The following ATP2A3 variants were observed in gnomAD, a reference collection of about 807,000 sequenced individuals.
The protein encoded by ATP2A3 is ATPase sarcoplasmic/endoplasmic reticulum Ca2+ transporting 3, also known as sarcoplasmic/endoplasmic reticulum calcium ATPase 3.
ATP2A3 carries 61 observed loss-of-function variants against 106.8 expected under a neutral mutation model. The observed-to-expected ratio is 0.57, with a 90% CI of 0.46 to 0.71. The LOEUF is 0.71. Among genes scored for constraint, ATP2A3 ranks in the 30% least tolerant of loss-of-function variants. The probability of loss-of-function intolerance (pLI) is 0.00; values close to 1 mark genes in which losing one functional copy is unlikely to be tolerated. For missense variants in ATP2A3, 1,201 were observed against 1,423.5 expected, an observed-to-expected ratio of 0.84 and a Z score of 2.52; for synonymous variants, 611 against 609.3, an observed-to-expected ratio of 1.00 and a Z score of -0.04.
Position 3,936,961 on chromosome 17 carries a change from G to A in ATP2A3, c.2321+455C>T. ...CGAGTGTGTGCACAGTCACACGCCG[G>A]CACAAATCCTTCTGCTTGTACTCAC... is the stretch of plus-strand genomic sequence containing the variant. On this transcript the variant is annotated intron_variant, in intron 15 of 20. Coordinates refer to ENST00000397041, the MANE Select transcript of ATP2A3 (RefSeq NM_005173.4). The surrounding 1 kb of genome is among the most constrained non-coding windows in gnomAD (Gnocchi z 5.4). The A allele has an allele frequency of 3.1e-6, 1 of 322,740 alleles. No homozygotes were observed. The highest frequency in any genetic ancestry group is 6.0e-6 in the Non-Finnish European group (1 of 165,644). The allele number at this position is 322,740 out of a possible 1,614,324, so 20.0% of individuals were successfully genotyped here.
At position 3,936,622 on chromosome 17, in the gene ATP2A3, G is replaced by GT. The variant is rs2053458286; in HGVS notation, c.2322-154dup. 1.2e-6 allele frequency: 1 copy of GT among 812,818 alleles called. No individual in the cohort carries two copies. Among genetic ancestry groups the GT allele is most frequent in the African/African-American group, 1.7e-5 (1 of 59,216 alleles). The allele number at this position is 812,818 out of a possible 1,614,324, so 50.4% of individuals were successfully genotyped here. Reference sequence around the variant, plus strand: ...CCGCCAGCTGTGATGTGAAGGGTGTGTGTACACAGCTCTGCCTCGGGCCTG... The same window carrying GT: ...CCGCCAGCTGTGATGTGAAGGGTGTGTTGTACACAGCTCTGCCTCGGGCCTG... On this transcript the variant is annotated intron_variant, in intron 15 of 20. Transcript: ENST00000397041. The surrounding 1 kb of genome is among the most constrained non-coding windows in gnomAD (Gnocchi z 5.4).
In ATP2A3 at chr17:3,955,512, A is replaced by T. The variant is rs1375533602; in HGVS notation, c.119-1802T>A. On this transcript the variant is annotated intron_variant, in intron 1 of 20. Coordinates refer to ENST00000397041, the MANE Select transcript of ATP2A3 (RefSeq NM_005173.4). This position sits in a 1 kb window ranked among gnomAD's most constrained non-coding sequence, Gnocchi z 4.2. ...TCCTGCGTCGAGATTAAAATCAAAC[A>T]GACTTTTTCCTTCTGATCTATTTAG... is the stretch of plus-strand genomic sequence containing the variant. Among the ~76,000 whole-genome samples the T allele has an allele frequency of 2.0e-5, 3 of 152,208 alleles. No homozygotes were observed. The highest frequency in any genetic ancestry group is 4.4e-5 in the Non-Finnish European group (3 of 68,040).
At position 3,942,599 on chromosome 17, in the gene ATP2A3, C is replaced by T; in HGVS notation, c.1545+7G>A. ...CAGGGGCCCAGGCCAGCCAGGCAGG[C>T]CCCCACCTTCACAAACATCTTGCTG... On this transcript the variant is annotated splice_region_variant and intron_variant, in intron 12 of 20. Coordinates refer to ENST00000397041, the MANE Select transcript of ATP2A3 (RefSeq NM_005173.4). The T allele has an allele frequency of 6.2e-7, 1 of 1,609,240 alleles. No homozygotes were observed. The highest frequency in any genetic ancestry group is 1.1e-5 in the South Asian group (1 of 91,074).
intron 1 of ATP2A3, 128 bp downstream of exon 1, chr17:3,964,046 C>T (rs1162534710): frequency 1.5e-5 from 6 of 388,852 alleles, no homozygotes; most frequent in Non-Finnish European, 2.2e-5. Flanking sequence ...GCCCCAGGAG[C>T]ATCCGAAGAG....
chr17:3,928,556 G>T lies in ATP2A3; in HGVS notation c.2980+107C>A. ...GGTGATCCGAGAACGCCTCCCCGAT[G>T]TGCAGACAGAGAGGCTCTGCGCTCC... On this transcript the variant is annotated intron_variant, in intron 20 of 20. Transcript: ENST00000397041. The surrounding 1 kb of genome is among the most constrained non-coding windows in gnomAD (Gnocchi z 6.1). 9.0e-7 allele frequency: 1 copy of T among 1,112,548 alleles called. No homozygotes were observed. The highest frequency in any genetic ancestry group is 1.3e-6 in the Non-Finnish European group (1 of 751,966). The allele number at this position is 1,112,548 out of a possible 1,614,324, so 68.9% of individuals were successfully genotyped here.
At position 3,947,897 on chromosome 17, in the gene ATP2A3, A is replaced by G; in HGVS notation, c.631-42T>C. The G allele has an allele frequency of 6.3e-7, 1 of 1,588,946 alleles. No individual in the cohort carries two copies. The highest frequency in any genetic ancestry group is 8.5e-7 in the Non-Finnish European group (1 of 1,172,368). The stretch of plus-strand genomic sequence containing the variant: ...CAAGGAAAAAGCTGCTCAGCAGCCA[A>G]CCAGGGGCCCAGGACCCCTGACTCC... On this transcript the variant is annotated intron_variant, in intron 7 of 20. Transcript: ENST00000397041. The surrounding 1 kb of genome is among the most constrained non-coding windows in gnomAD (Gnocchi z 7.7).
At chr17:3,958,426 T>A (rs1260432415) in intron 1 of ATP2A3, among the ~76,000 whole-genome samples, 3 of 152,122 alleles carry the variant, frequency 2.0e-5, no homozygotes, top group Non-Finnish European at 4.4e-5. Context: ...CCTGCCTCTG[T>A]CCTGTTCACA....
intron 1 of ATP2A3, among the ~76,000 whole-genome samples, chr17:3,954,843 G>T (rs1289353051): frequency 6.6e-6 from 1 of 152,186 alleles, no homozygotes; most frequent in Non-Finnish European, 1.5e-5. Context: ...TTTTGTATCA[G>T]GCAGAGGTGC....
intron 1 of ATP2A3, among the ~76,000 whole-genome samples, chr17:3,957,840 C>T (rs2054868991): frequency 6.6e-6 from 1 of 152,264 alleles, no homozygotes; most frequent in African/African-American, 2.4e-5. Flanking sequence ...TGCCCACTCT[C>T]AGTGCCATCC....
intron 14 of ATP2A3, among the ~76,000 whole-genome samples, chr17:3,938,396 T>G (rs1398066839): frequency 6.7e-6 from 1 of 150,310 alleles, no homozygotes; most frequent in African/African-American, 2.4e-5. Context: ...ACTGCACTGC[T>G]GCACTCCAGC....
At chr17:3,959,986 G>A (rs986743406) in intron 1 of ATP2A3, among the ~76,000 whole-genome samples, 6 of 152,188 alleles carry the variant, frequency 3.9e-5, no homozygotes, top group African/African-American at 1.4e-4. Context: ...GCTCCTGGGG[G>A]GCTTCAGCTG....
rs911046732 is a variant in ATP2A3 at position 3,925,320 on chromosome 17, G to A, written c.*102C>T. 5 of 1,599,066 alleles carry A rather than the reference G, an allele frequency of 3.1e-6. No homozygotes were observed. The highest frequency in any genetic ancestry group is 4.5e-5 in the East Asian group (2 of 44,712). ...GTCATTTATCCGGCGGGACCCGGTG[G>A]GCAAGTGGGCGAGTGTGGTGGCAAG... On this transcript the variant is annotated 3_prime_UTR_variant, in exon 21 of 21. Coordinates refer to ENST00000397041, the MANE Select transcript of ATP2A3 (RefSeq NM_005173.4). This position sits in a 1 kb window ranked among gnomAD's most constrained non-coding sequence, Gnocchi z 4.2.
At position 3,924,726 on chromosome 17, in the gene ATP2A3, CG is replaced by C. The variant is rs1397948494; in HGVS notation, c.*695del. ...AGCCAGGCTTTCCCGACTTGTCTCC[CG>C]GGAAAGGACATCCTCGCTCCGCCCT... On this transcript the variant is annotated 3_prime_UTR_variant, in exon 21 of 21. Transcript: ENST00000397041. The surrounding 1 kb of genome is among the most constrained non-coding windows in gnomAD (Gnocchi z 6.4). The C allele has an allele frequency of 2.2e-6, 1 of 456,236 alleles. No homozygotes were observed. Among genetic ancestry groups the C allele is most frequent in the Non-Finnish European group, 4.4e-6 (1 of 226,846 alleles). 28.3% of individuals were successfully genotyped at this position (456,236 alleles called of 1,614,324 possible). A position where few individuals can be genotyped will look rare whatever the true frequency, so the allele number is the denominator to read the frequency against.
rs371865706 is a variant in ATP2A3, at chr17:3,925,316, G to A, written c.*106C>T. On this transcript the variant is annotated 3_prime_UTR_variant, in exon 21 of 21. Transcript: ENST00000397041. The surrounding 1 kb of genome is among the most constrained non-coding windows in gnomAD (Gnocchi z 4.2). Reference sequence around the variant, plus strand: ...GCCTGTCATTTATCCGGCGGGACCCGGTGGGCAAGTGGGCGAGTGTGGTGG... The same window carrying A: ...GCCTGTCATTTATCCGGCGGGACCCAGTGGGCAAGTGGGCGAGTGTGGTGG... 7.4e-4 allele frequency: 1,175 copies of A among 1,594,378 alleles called. 19 individuals carry two copies. The South Asian group carries it at 0.011, about 15-fold the overall frequency.
intron 1 of ATP2A3, among the ~76,000 whole-genome samples, chr17:3,958,296 C>T (rs926225269): frequency 1.3e-5 from 2 of 152,334 alleles, no homozygotes; most frequent in Admixed American, 1.3e-4. Context: ...CAGCCAGAAT[C>T]ACTTGCTAGA....
In ATP2A3 at chr17:3,929,232, T is replaced by C; in HGVS notation, c.2862+96A>G. The C allele has an allele frequency of 1.7e-6, 2 of 1,146,210 alleles. No homozygotes were observed. Among genetic ancestry groups the C allele is most frequent in the Non-Finnish European group, 2.5e-6 (2 of 798,606 alleles). The allele number at this position is 1,146,210 out of a possible 1,614,324, so 71.0% of individuals were successfully genotyped here. A position where few individuals can be genotyped will look rare whatever the true frequency, so the allele number is the denominator to read the frequency against. On this transcript the variant is annotated intron_variant, in intron 19 of 20. Coordinates refer to ENST00000397041, the MANE Select transcript of ATP2A3 (RefSeq NM_005173.4). This position sits in a 1 kb window ranked among gnomAD's most constrained non-coding sequence, Gnocchi z 4.3. ...ACCTCTCACCTCCCTCTCCTCCAGG[T>C]AGTTTCCATTGCAGGGGGGCCAGAG...
At chr17:3,944,938 G>A (rs1400705332) in intron 9 of ATP2A3, 122 bp downstream of exon 9, 20 of 1,285,546 alleles carry the variant, frequency 1.6e-5, no homozygotes, top group African/African-American at 3.3e-5. Flanking sequence ...TCCTGGCCCC[G>A]CCCCGGGAGA....
At chr17:3,935,525 C>T (rs1309568196) in intron 16 of ATP2A3, among the ~76,000 whole-genome samples, 2 of 148,134 alleles carry the variant, frequency 1.4e-5, no homozygotes, top group Middle Eastern at 7.2e-3. Flanking sequence ...TGAGAACAGG[C>T]CTGTTGAGAC....
rs559647783 is a variant in ATP2A3, at chr17:3,929,476, C to T, written c.2745-31G>A. Reference sequence around the variant, plus strand: ...AGGGCACAGGGTGCTCCCCTTAGGCCGGGGTGCAGGGAGGCCCTGCCAGGC... The same window carrying T: ...AGGGCACAGGGTGCTCCCCTTAGGCTGGGGTGCAGGGAGGCCCTGCCAGGC... On this transcript the variant is annotated intron_variant, in intron 18 of 20. Coordinates refer to ENST00000397041, the MANE Select transcript of ATP2A3 (RefSeq NM_005173.4). This position sits in a 1 kb window ranked among gnomAD's most constrained non-coding sequence, Gnocchi z 4.3. 72 of 1,562,422 alleles carry T rather than the reference C, an allele frequency of 4.6e-5. No homozygotes were observed. The highest frequency in any genetic ancestry group is 3.1e-4 in the South Asian group (27 of 85,872).
Sources: allele counts gnomAD v4.1 joint callset (sites outside exome capture counted in the v4.1 genomes callset), GRCh38; gene constraint gnomAD v4.1.1; non-coding constraint Gnocchi (gnomAD v3.1); transcripts MANE v1.5; gene names NCBI Gene and HGNC (gene_info 2026-07-23, HGNC 2026-07-21).